Variants in ERAP1 observed in about 807,000 individuals in gnomAD.
The protein encoded by ERAP1 is adipocyte-derived leucine aminopeptidase.
In ERAP1, 86 loss-of-function variants were observed where a neutral mutation model predicts 103.7. That is an observed-to-expected ratio of 0.83 (90% CI 0.70 to 0.99). ERAP1 has a LOEUF of 0.99. ERAP1 is among the 50% of genes least tolerant of loss of function. The pLI is 0.00. For missense variants in ERAP1, 1,009 were observed against 1,128.4 expected, an observed-to-expected ratio of 0.89 and a Z score of 1.52; for synonymous variants, 398 against 402.4, an observed-to-expected ratio of 0.99 and a Z score of 0.13.
intron 1 of ERAP1, among the ~76,000 whole-genome samples, chr5:96,806,846 A>G (rs1246119160): frequency 1.1e-5 from 1 of 94,562 alleles, no homozygotes; most frequent in Non-Finnish European, 2.6e-5. Flanking sequence ...ATGCTGGATT[A>G]ATTTGAAAAA....
At chr5:96,763,016 A>G in exon 20 of ERAP1, 2 of 683,414 alleles carry the variant, frequency 2.9e-6, no homozygotes, top group South Asian at 1.6e-5. Flanking sequence ...TACCAAGGAG[A>G]CCACAGCACA....
intron 18 of ERAP1, chr5:96,779,190 C>T (rs1774801271): frequency 6.6e-6 from 1 of 152,228 alleles, no homozygotes; most frequent in Non-Finnish European, 1.5e-5. Context: ...GAAATTTCAG[C>T]TCCGTGACAG....
At chr5:96,907,878 T>C in the ERAP1 span, among the ~76,000 whole-genome samples, 4 of 90,022 alleles carry the variant, frequency 4.4e-5, no homozygotes, top group East Asian at 1.2e-3. Flanking sequence ...AGCAAAACTC[T>C]GTCTCAAAAA....
At chr5:96,865,995 T>C in the ERAP1 span, among the ~76,000 whole-genome samples, 1 of 152,242 alleles carries the variant, frequency 6.6e-6, no homozygotes, top group African/African-American at 2.4e-5. Flanking sequence ...GATCGCTTTT[T>C]TCATACTCAA....
chr5:96,787,270 G>T (rs1367435093), intron 11 of ERAP1, among the ~76,000 whole-genome samples: 1 of 151,702 alleles, frequency 6.6e-6, no homozygotes, highest in South Asian at 2.1e-4. Context: ...CTTGTTTTTT[G>T]TTTGTTTGTT....
chr5:96,932,466 A>G, the ERAP1 span, among the ~76,000 whole-genome samples: 29 of 152,330 alleles, frequency 1.9e-4, no homozygotes, highest in African/African-American at 6.5e-4. Context: ...GAAATTAGCT[A>G]TATTTCTCTC....
At chr5:96,932,955 A>G in the ERAP1 span, among the ~76,000 whole-genome samples, 1 of 152,188 alleles carries the variant, frequency 6.6e-6, no homozygotes, top group African/African-American at 2.4e-5. Flanking sequence ...TAACTTCATA[A>G]TAACTTAAAC....
At chr5:96,777,427 T>C (rs1206821657) in intron 18 of ERAP1, among the ~76,000 whole-genome samples, 3 of 152,206 alleles carry the variant, frequency 2.0e-5, no homozygotes, top group Admixed American at 6.5e-5. Flanking sequence ...ATCCATGTCA[T>C]AATACCATAT....
chr5:96,860,136 A>G, the ERAP1 span, among the ~76,000 whole-genome samples: 1 of 152,116 alleles, frequency 6.6e-6, no homozygotes, highest in Admixed American at 6.5e-5. Context: ...ATCTCGGCTC[A>G]CTGCAACCTC....
chr5:96,854,946 A>G, the ERAP1 span, among the ~76,000 whole-genome samples: 1 of 152,216 alleles, frequency 6.6e-6, no homozygotes, highest in South Asian at 2.1e-4. Context: ...CTCCCCAAAG[A>G]GCTTAACATA....
At chr5:96,885,832 G>A in the ERAP1 span, among the ~76,000 whole-genome samples, 856 of 152,338 alleles carry the variant, frequency 5.6e-3, 14 homozygotes, top group African/African-American at 0.019. Flanking sequence ...AAGCTGCCCA[G>A]ACCAAATGAA....
the ERAP1 span, chr5:96,902,373 AACAGG>A: frequency 6.7e-7 from 1 of 1,489,250 alleles, no homozygotes; most frequent in Admixed American, 1.7e-5. Context: ...TAATTAGCCA[AACAGG>A]TATTTCAATG....
chr5:96,794,991 T>TA (rs1468929625), intron 5 of ERAP1, 51 bp downstream of exon 5: 3 of 1,606,784 alleles, frequency 1.9e-6, no homozygotes, highest in Non-Finnish European at 2.6e-6. Context: ...ATGACAAATC[T>TA]ATGACTGTGT....
At chr5:96,883,954 T>C in the ERAP1 span, 7 of 1,549,792 alleles carry the variant, frequency 4.5e-6, no homozygotes, top group East Asian at 1.4e-4. Context: ...CAGAAACTTT[T>C]AGAAATTGTT....
chr5:96,833,792 GAA>G, the ERAP1 span, among the ~76,000 whole-genome samples: 58 of 140,420 alleles, frequency 4.1e-4, no homozygotes, highest in Non-Finnish European at 4.9e-4. Flanking sequence ...GCAAGGCTCG[GAA>G]AAAAAAAAAA....
At chr5:96,808,296 T>TC (rs1778925859), upstream of ERAP1, 2 of 713,952 alleles carry the variant, frequency 2.8e-6, no homozygotes, top group African/African-American at 4.0e-5. Flanking sequence ...TTTTTTTTTT[T>TC]CACTGTTTAG....
chr5:96,921,638 C>T, the ERAP1 span, among the ~76,000 whole-genome samples: 1 of 152,198 alleles, frequency 6.6e-6, no homozygotes, highest in African/African-American at 2.4e-5. Flanking sequence ...CTTCTTTCTT[C>T]CAGATGTCCT....
At chr5:96,770,490 T>C (rs1355077412), downstream of ERAP1, 2 of 1,296,154 alleles carry the variant, frequency 1.5e-6, no homozygotes, top group Non-Finnish European at 2.2e-6. Context: ...GCTAGATGGA[T>C]TGGTGATAGC....
the ERAP1 span, among the ~76,000 whole-genome samples, chr5:96,879,146 G>A: frequency 6.6e-6 from 1 of 152,112 alleles, no homozygotes; most frequent in Non-Finnish European, 1.5e-5. Context: ...TTGAGCCCAG[G>A]AAGTTGAGGC....
Sources: allele counts gnomAD v4.1 joint callset (sites outside exome capture counted in the v4.1 genomes callset), GRCh38; gene constraint gnomAD v4.1.1; transcripts MANE v1.5; gene names NCBI Gene and HGNC (gene_info 2026-07-23, HGNC 2026-07-21).